GALNT14: variants seen among roughly 807,000 people sequenced by gnomAD.
GALNT14 encodes the protein polypeptide N-acetylgalactosaminyltransferase 14, also known as UDP-GalNAc:polypeptide N-acetylgalactosaminyltransferase 14.
A neutral mutation model predicts 77.5 loss-of-function variants in GALNT14; 60 were observed. The ratio of observed to expected loss-of-function variants is 0.77; its 90% CI spans 0.63 to 0.96. The LOEUF (loss-of-function observed/expected upper bound fraction) is 0.96, where lower values mean the gene tolerates loss of function less well. Among genes scored for constraint, GALNT14 ranks in the 40% least tolerant of loss-of-function variants. The pLI, the probability that GALNT14 is intolerant of heterozygous loss-of-function variation, is 0.00. For synonymous variants in GALNT14, 280 were observed against 281.7 expected, an observed-to-expected ratio of 0.99 and a Z score of 0.06; for missense variants, 710 against 731.0, an observed-to-expected ratio of 0.97 and a Z score of 0.33.
At chr2:31,093,417 A>G (rs984164501) in intron 1 of GALNT14, among the ~76,000 whole-genome samples, 1 of 152,198 alleles carries the variant, frequency 6.6e-6, no homozygotes, top group Non-Finnish European at 1.5e-5. Flanking sequence ...ATTATGGTGG[A>G]ACAAGACTCA....
At chr2:30,909,200 T>C (rs1374599103), downstream of GALNT14, among the ~76,000 whole-genome samples, 4 of 150,356 alleles carry the variant, frequency 2.7e-5, no homozygotes, top group African/African-American at 7.3e-5. Flanking sequence ...AAAGCCAAAA[T>C]TGACAAATGG....
intron 1 of GALNT14, among the ~76,000 whole-genome samples, chr2:31,116,108 T>C (rs1360516289): frequency 1.3e-5 from 2 of 152,194 alleles, no homozygotes; most frequent in African/African-American, 4.8e-5. Flanking sequence ...CATTGATATC[T>C]TGATTGCATA....
intron 1 of GALNT14, among the ~76,000 whole-genome samples, chr2:31,108,594 A>C (rs1340873187): frequency 6.6e-6 from 1 of 152,254 alleles, no homozygotes; most frequent in African/African-American, 2.4e-5. Context: ...TGGTTGGAGC[A>C]TTGGGCATTC....
intron 1 of GALNT14, among the ~76,000 whole-genome samples, chr2:31,002,579 C>CT (rs1670430708): frequency 6.6e-6 from 1 of 152,226 alleles, no homozygotes; most frequent in Admixed American, 6.5e-5. Context: ...AAAGTATCTG[C>CT]TTACCCCTAT....
intron 4 of GALNT14, 80 bp from the exon 5 acceptor site, chr2:30,956,057 C>G: frequency 7.0e-7 from 1 of 1,427,154 alleles, no homozygotes; most frequent in Non-Finnish European, 9.9e-7. Context: ...GCAGGTGAAC[C>G]TGAAGGGTAG....
intron 1 of GALNT14, chr2:31,079,168 C>A: frequency 1.4e-6 from 1 of 717,590 alleles, no homozygotes. Context: ...ATTGCCCAGG[C>A]TCCACATCAG....
intron 1 of GALNT14, among the ~76,000 whole-genome samples, chr2:30,994,532 C>A (rs1193021663): frequency 6.6e-6 from 1 of 152,174 alleles, no homozygotes; most frequent in Non-Finnish European, 1.5e-5. Flanking sequence ...CTTTGGAGAC[C>A]AGAGATTTTT....
Position 31,114,541 on chromosome 2 carries a change from T to A in GALNT14, c.129+23417A>T, listed in dbSNP as rs567261968. Among the ~76,000 whole-genome samples, 7 of 152,224 alleles carry A rather than the reference T, an allele frequency of 4.6e-5. No individual in the cohort carries two copies. The South Asian group carries it at 1.5e-3, about 32-fold the overall frequency. On this transcript the variant is annotated intron_variant, in intron 1 of 14. Coordinates refer to ENST00000349752, the MANE Select transcript of GALNT14 (RefSeq NM_024572.4). ...GGATGGTTGCTGTAGAGACCTAAAT[T>A]AGCGGCTTAGAAGATCAAGTAGAAA...
chr2:31,021,015 G>A (rs979925548), intron 1 of GALNT14, among the ~76,000 whole-genome samples: 1 of 152,206 alleles, frequency 6.6e-6, no homozygotes, highest in Non-Finnish European at 1.5e-5. Flanking sequence ...AGCCACTGCT[G>A]TCAGAAAAGT....
At chr2:31,039,425 T>C (rs1158226115) in intron 1 of GALNT14, among the ~76,000 whole-genome samples, 3 of 152,180 alleles carry the variant, frequency 2.0e-5, no homozygotes, top group Admixed American at 1.3e-4. Context: ...ATGAGGAAAC[T>C]AAATGACTTG....
chr2:30,891,859 T>A, the GALNT14 span, among the ~76,000 whole-genome samples: 5 of 152,140 alleles, frequency 3.3e-5, no homozygotes, highest in Admixed American at 2.0e-4. Flanking sequence ...ATTTATTTGT[T>A]CTCTTCCACA....
rs143634206 is a variant in GALNT14, at chr2:31,133,430, G to A, written c.129+4528C>T. Among the ~76,000 whole-genome samples the A allele has an allele frequency of 5.2e-3, 795 of 152,284 alleles. 6 individuals are homozygous for A. The highest frequency in any genetic ancestry group is 0.018 in the Admixed American group (269 of 15,300). On this transcript the variant is annotated intron_variant, in intron 1 of 14. Coordinates refer to ENST00000349752, the MANE Select transcript of GALNT14 (RefSeq NM_024572.4). ...AACAGTGTCATATACTTAAGGCATT[G>A]GTGGGATGCAAATGTTACAGAAAGA... is the stretch of plus-strand genomic sequence containing the variant.
chr2:30,952,080 G>A (rs1667059649), intron 6 of GALNT14, among the ~76,000 whole-genome samples: 1 of 152,168 alleles, frequency 6.6e-6, no homozygotes, highest in Non-Finnish European at 1.5e-5. Context: ...TCTCGGCAAG[G>A]AGCAAACTGC....
intron 13 of GALNT14, among the ~76,000 whole-genome samples, chr2:30,916,931 G>T (rs534530422): frequency 1.3e-5 from 2 of 151,942 alleles, no homozygotes; most frequent in African/African-American, 4.8e-5. Context: ...ACAAAAATTA[G>T]CCAGGTGTGG....
chr2:31,011,247 A>G (rs541737956), intron 1 of GALNT14, among the ~76,000 whole-genome samples: 1 of 152,250 alleles, frequency 6.6e-6, no homozygotes, highest in Non-Finnish European at 1.5e-5. Flanking sequence ...ATGGACTAAA[A>G]TAAGTAAAGC....
At chr2:31,130,301 T>C (rs1678913106) in intron 1 of GALNT14, among the ~76,000 whole-genome samples, 1 of 152,192 alleles carries the variant, frequency 6.6e-6, no homozygotes, top group Non-Finnish European at 1.5e-5. Context: ...GAACTAGCTT[T>C]GTGTCCAGAG....
intron 2 of GALNT14, among the ~76,000 whole-genome samples, chr2:30,969,822 G>C (rs1479172930): frequency 2.0e-5 from 3 of 152,126 alleles, no homozygotes; most frequent in African/African-American, 4.8e-5. Context: ...CACGGAATGG[G>C]CCCAAGGCTC....
chr2:30,908,400 C>G (rs1664202140), downstream of GALNT14, among the ~76,000 whole-genome samples: 1 of 149,296 alleles, frequency 6.7e-6, no homozygotes, highest in Non-Finnish European at 1.5e-5. Flanking sequence ...CACAAGCATT[C>G]TTATACACCA....
intron 11 of GALNT14, among the ~76,000 whole-genome samples, chr2:30,925,234 C>CA (rs1467542230): frequency 6.6e-6 from 1 of 152,174 alleles, no homozygotes; most frequent in Non-Finnish European, 1.5e-5. Flanking sequence ...GCCCCAGTCT[C>CA]AAAAAATCCT....
Sources: allele counts gnomAD v4.1 joint callset (sites outside exome capture counted in the v4.1 genomes callset), GRCh38; gene constraint gnomAD v4.1.1; transcripts MANE v1.5; gene names NCBI Gene and HGNC (gene_info 2026-07-23, HGNC 2026-07-21).